The following PCDH9 variants were observed in gnomAD, a reference collection of about 807,000 sequenced individuals.
PCDH9 encodes protocadherin 9.
In PCDH9, 24 loss-of-function variants were observed where a neutral mutation model predicts 70.6. The observed-to-expected ratio is 0.34, with a 90% CI of 0.25 to 0.48. The LOEUF (loss-of-function observed/expected upper bound fraction) is 0.48, where lower values mean the gene tolerates loss of function less well. Among genes scored for constraint, PCDH9 ranks in the 20% least tolerant of loss-of-function variants. The pLI is 0.99. For synonymous variants in PCDH9, 562 were observed against 558.5 expected (o/e 1.01, Z -0.09); for missense variants, 1,281 against 1,503.6 (o/e 0.85, Z 2.45).
chr13:66,631,031 A>G (rs2077564222), intron 4 of PCDH9, among the ~76,000 whole-genome samples, 179 bp downstream of exon 4: 1 of 152,202 alleles, frequency 6.6e-6, no homozygotes, highest in Non-Finnish European at 1.5e-5. Flanking sequence ...ATACAATTTA[A>G]CAGCCAAAAT....
intron 4 of PCDH9, among the ~76,000 whole-genome samples, chr13:66,331,061 CAG>C (rs1349282260): frequency 6.6e-6 from 1 of 152,082 alleles, no homozygotes; most frequent in Non-Finnish European, 1.5e-5. Context: ...GAATGAGTCT[CAG>C]AAAATCGTGG....
chr13:66,790,757 A>T (rs1411765103), intron 3 of PCDH9, among the ~76,000 whole-genome samples: 1 of 152,042 alleles, frequency 6.6e-6, no homozygotes, highest in Non-Finnish European at 1.5e-5. Context: ...ATAATTCCAA[A>T]TAATGTTCCT....
At chr13:66,579,874 C>T (rs1370874274) in intron 4 of PCDH9, among the ~76,000 whole-genome samples, 1 of 151,320 alleles carries the variant, frequency 6.6e-6, no homozygotes, top group East Asian at 1.9e-4. Context: ...AAGAAGTAAT[C>T]TTCAAAGACC....
intron 4 of PCDH9, among the ~76,000 whole-genome samples, chr13:66,494,747 C>G (rs1468718111): frequency 6.6e-6 from 1 of 152,108 alleles, no homozygotes; most frequent in African/African-American, 2.4e-5. Flanking sequence ...GACCTGGTTT[C>G]ATCAAAATAT....
intron 2 of PCDH9, among the ~76,000 whole-genome samples, chr13:67,097,109 G>A (rs1050313722): frequency 6.7e-6 from 1 of 148,868 alleles, no homozygotes; most frequent in Non-Finnish European, 1.5e-5. Flanking sequence ...AAAAAAATTA[G>A]CTGGGCATGG....
chr13:67,099,893 A>C (rs2086396437), intron 2 of PCDH9, among the ~76,000 whole-genome samples: 1 of 152,196 alleles, frequency 6.6e-6, no homozygotes, highest in Non-Finnish European at 1.5e-5. Context: ...ACCCTCAGGT[A>C]ATAAAAGAGA....
chr13:66,887,540 C>A (rs2082027888), intron 3 of PCDH9, among the ~76,000 whole-genome samples: 1 of 152,102 alleles, frequency 6.6e-6, no homozygotes. Flanking sequence ...CTATAGAGTG[C>A]CCTCATAAAC....
At chr13:67,124,655 A>G (rs2086941337) in intron 2 of PCDH9, among the ~76,000 whole-genome samples, 1 of 152,172 alleles carries the variant, frequency 6.6e-6, no homozygotes. Flanking sequence ...CCTAACACCT[A>G]TTAGCATATC....
chr13:66,351,998 G>A (rs982500287), intron 4 of PCDH9, among the ~76,000 whole-genome samples: 2 of 152,046 alleles, frequency 1.3e-5, no homozygotes, highest in African/African-American at 4.8e-5. Flanking sequence ...ACCACGCCCA[G>A]CTGATTTTTG....
At chr13:66,841,946 C>T (rs1021428608) in intron 3 of PCDH9, among the ~76,000 whole-genome samples, 1 of 151,978 alleles carries the variant, frequency 6.6e-6, no homozygotes, top group African/African-American at 2.4e-5. Flanking sequence ...CTATGACATT[C>T]CAAAAGGAGA....
At chr13:67,009,035 T>C (rs2139837056) in intron 2 of PCDH9, among the ~76,000 whole-genome samples, 1 of 152,256 alleles carries the variant, frequency 6.6e-6, no homozygotes, top group African/African-American at 2.4e-5. Flanking sequence ...TTTATTTTTA[T>C]ATTTTTTTAT....
intron 2 of PCDH9, among the ~76,000 whole-genome samples, chr13:67,011,339 A>G (rs2084448497): frequency 6.6e-6 from 1 of 151,960 alleles, no homozygotes; most frequent in African/African-American, 2.4e-5. Context: ...TTACAAATTT[A>G]TCATTTATTA....
chr13:66,519,096 T>C (rs1182685487), intron 4 of PCDH9, among the ~76,000 whole-genome samples: 1 of 152,184 alleles, frequency 6.6e-6, no homozygotes, highest in Non-Finnish European at 1.5e-5. Context: ...AATAGTGCAC[T>C]TTGGAAAGTT....
chr13:67,156,647 T>C lies in PCDH9; in HGVS notation c.3036+68758A>G, dbSNP rs118097480. ...CAAGCCCACATGTGATCCTATTCTTTCGGTACACAAAGGCGAGAAACCCCG... is the reference window on the plus strand; with the variant it reads ...CAAGCCCACATGTGATCCTATTCTTCCGGTACACAAAGGCGAGAAACCCCG... On this transcript the variant is annotated intron_variant, in intron 2 of 4. Transcript: ENST00000377865. Among the ~76,000 whole-genome samples the C allele has an allele frequency of 9.2e-3, 1,398 of 152,236 alleles. 18 individuals are homozygous for C. The highest frequency in any genetic ancestry group is 0.03 in the African/African-American group (1,248 of 41,546).
intron 3 of PCDH9, among the ~76,000 whole-genome samples, chr13:66,714,388 C>G (rs367546684): frequency 6.6e-6 from 1 of 150,494 alleles, no homozygotes; most frequent in Non-Finnish European, 1.5e-5. Context: ...TGGAGTGAAC[C>G]GGGAGGTGGA....
At chr13:66,870,002 C>G (rs1327151226) in intron 3 of PCDH9, among the ~76,000 whole-genome samples, 1 of 152,142 alleles carries the variant, frequency 6.6e-6, no homozygotes, top group Non-Finnish European at 1.5e-5. Context: ...TTGCCCATCC[C>G]TATGTCCTGA....
chr13:66,887,360 G>A (rs1469810407), intron 3 of PCDH9, among the ~76,000 whole-genome samples: 1 of 151,742 alleles, frequency 6.6e-6, no homozygotes, highest in Non-Finnish European at 1.5e-5. Flanking sequence ...CATTAAAAAC[G>A]GAGACGTGCA....
chr13:66,739,376 G>T (rs375210460), intron 3 of PCDH9, among the ~76,000 whole-genome samples: 2 of 149,424 alleles, frequency 1.3e-5, no homozygotes, highest in African/African-American at 4.9e-5. Context: ...GGTACCAGCC[G>T]CTGCAAAATC....
chr13:66,368,357 A>T (rs1309700149), intron 4 of PCDH9, among the ~76,000 whole-genome samples: 3 of 151,948 alleles, frequency 2.0e-5, no homozygotes, highest in Non-Finnish European at 2.9e-5. Context: ...TTAATGCAAA[A>T]TTTTAAGATA....
Sources: gnomAD v4.1 joint callset for allele counts (sites outside exome capture counted in the v4.1 genomes callset) on GRCh38, gnomAD v4.1.1 for gene constraint, MANE v1.5 for transcripts, NCBI Gene and HGNC (gene_info 2026-07-23, HGNC 2026-07-21) for gene names.